ZDHHC2: variants seen among roughly 807,000 people sequenced by gnomAD.
ZDHHC2 encodes palmitoyltransferase ZDHHC2.
A neutral mutation model predicts 55.6 loss-of-function variants in ZDHHC2; 51 were observed. That is an observed-to-expected ratio of 0.92 (90% CI 0.73 to 1.16). ZDHHC2 has a LOEUF of 1.16. Ranked by LOEUF, ZDHHC2 falls within the 50% of genes most tolerant of loss-of-function variation. ZDHHC2 has a pLI of 0.00. For synonymous variants in ZDHHC2, 199 were observed against 152.9 expected (o/e 1.30, Z -2.22); for missense variants, 491 against 442.4 (o/e 1.11, Z -0.99).
chr8:17,192,474 AT>A (rs1386336515), intron 3 of ZDHHC2, among the ~76,000 whole-genome samples: 1 of 152,064 alleles, frequency 6.6e-6, no homozygotes, highest in Non-Finnish European at 1.5e-5. Context: ...GGATTATTAG[AT>A]TTTTTTCCTA....
chr8:17,203,153 G>A (rs539444984), intron 6 of ZDHHC2, among the ~76,000 whole-genome samples: 3 of 144,926 alleles, frequency 2.1e-5, no homozygotes, highest in Non-Finnish European at 3.0e-5. Flanking sequence ...TCTGCCTCCC[G>A]GGTTCAAGCA....
At chr8:17,156,997 A>G (rs1303917066) in intron 1 of ZDHHC2, 144 bp downstream of exon 1, 1 of 746,772 alleles carries the variant, frequency 1.3e-6, no homozygotes, top group East Asian at 3.6e-5. Flanking sequence ...CTCCGCCGCT[A>G]AAAGCAGCCT....
At chr8:17,192,978 G>T (rs1360194144) in intron 3 of ZDHHC2, among the ~76,000 whole-genome samples, 1 of 152,122 alleles carries the variant, frequency 6.6e-6, no homozygotes, top group Non-Finnish European at 1.5e-5. Context: ...ATTGGTCTAT[G>T]TATGCCAGTA....
intron 1 of ZDHHC2, among the ~76,000 whole-genome samples, chr8:17,161,742 A>C (rs1563430209): frequency 6.6e-6 from 1 of 152,044 alleles, no homozygotes. Context: ...GCCTGTAGTC[A>C]CAGCTGCTCG....
In ZDHHC2 at chr8:17,220,368, C is replaced by T. The variant is rs1414917688; in HGVS notation, c.*147C>T. On this transcript the variant is annotated 3_prime_UTR_variant, in exon 13 of 13. Transcript: ENST00000262096. ...AGAATATGAATTGATTAGTTCTCTC[C>T]AAGCCATTGCTTAAAATATAACATG... The T allele has an allele frequency of 1.3e-5, 2 of 151,924 alleles. No individual in the cohort carries two copies. Among genetic ancestry groups the T allele is most frequent in the Non-Finnish European group, 2.9e-5 (2 of 67,918 alleles). 9.4% of individuals were successfully genotyped at this position (151,924 alleles called of 1,614,324 possible).
intron 10 of ZDHHC2, among the ~76,000 whole-genome samples, chr8:17,211,963 G>C (rs1807407142): frequency 6.6e-6 from 1 of 151,838 alleles, no homozygotes; most frequent in Non-Finnish European, 1.5e-5. Context: ...TTTGCCCTTT[G>C]TGTTTTTTTT....
intron 10 of ZDHHC2, among the ~76,000 whole-genome samples, chr8:17,214,261 T>C (rs891948873): frequency 8.5e-5 from 13 of 152,180 alleles, no homozygotes; most frequent in Admixed American, 3.9e-4. Context: ...AGAAAATTCT[T>C]CTTAGAAGAC....
intron 10 of ZDHHC2, among the ~76,000 whole-genome samples, chr8:17,212,002 G>C (rs1807411145): frequency 6.6e-6 from 1 of 151,986 alleles, no homozygotes; most frequent in South Asian, 2.1e-4. Context: ...TTTGGTTTTA[G>C]AGATAATATT....
intron 6 of ZDHHC2, among the ~76,000 whole-genome samples, chr8:17,199,359 C>G (rs112045973): frequency 6.6e-6 from 1 of 152,088 alleles, no homozygotes; most frequent in Non-Finnish European, 1.5e-5. Context: ...ACGCCCCCTT[C>G]GTACTAATTG....
chr8:17,169,815 C>CA (rs1245657260), intron 1 of ZDHHC2, among the ~76,000 whole-genome samples: 3 of 152,254 alleles, frequency 2.0e-5, no homozygotes, highest in African/African-American at 7.2e-5. Context: ...GGAAGAGACT[C>CA]ATTCCAAATA....
At chr8:17,181,645 A>G (rs936844989) in intron 1 of ZDHHC2, among the ~76,000 whole-genome samples, 2 of 152,332 alleles carry the variant, frequency 1.3e-5, no homozygotes, top group African/African-American at 4.8e-5. Context: ...TCTGTGAAGT[A>G]AGAAAATTAA....
At chr8:17,162,631 A>G (rs919431360) in intron 1 of ZDHHC2, among the ~76,000 whole-genome samples, 2 of 152,234 alleles carry the variant, frequency 1.3e-5, no homozygotes, top group African/African-American at 4.8e-5. Flanking sequence ...AATGATTTAC[A>G]AGATAACTTC....
intron 1 of ZDHHC2, among the ~76,000 whole-genome samples, chr8:17,177,291 A>T (rs1175544207): frequency 6.6e-6 from 1 of 152,018 alleles, no homozygotes; most frequent in East Asian, 1.9e-4. Context: ...GAGGAGGTAA[A>T]AGGAGGTTGG....
intron 6 of ZDHHC2, among the ~76,000 whole-genome samples, chr8:17,199,503 T>TCTTCGTCTTCG (rs1554465991): frequency 5.2e-4 from 33 of 63,224 alleles, no homozygotes; most frequent in East Asian, 2.0e-3. Flanking sequence ...CTTCTTCTTC[T>TCTTCGTCTTCG]TCTTCTTCTT....
At chr8:17,172,648 T>A (rs919302750) in intron 1 of ZDHHC2, among the ~76,000 whole-genome samples, 2 of 152,230 alleles carry the variant, frequency 1.3e-5, no homozygotes, top group Admixed American at 6.5e-5. Flanking sequence ...TGGAGACTTT[T>A]ATAAACGTAA....
chr8:17,173,449 G>T (rs1318882797), intron 1 of ZDHHC2, among the ~76,000 whole-genome samples: 1 of 152,106 alleles, frequency 6.6e-6, no homozygotes, highest in Non-Finnish European at 1.5e-5. Context: ...GCTGAGGTGG[G>T]AGAATCATTT....
At chr8:17,189,386 A>G (rs1301642377) in intron 3 of ZDHHC2, among the ~76,000 whole-genome samples, 1 of 152,090 alleles carries the variant, frequency 6.6e-6, no homozygotes, top group African/African-American at 2.4e-5. Flanking sequence ...TTTGTTGAAT[A>G]CTTTTGAAAA....
At position 17,186,347 on chromosome 8, in the gene ZDHHC2, C is replaced by G. The variant is rs1229545511; in HGVS notation, c.174C>G (p.Ala58=). 4 of 1,593,486 alleles carry G rather than the reference C, an allele frequency of 2.5e-6. No individual in the cohort carries two copies. Among genetic ancestry groups the G allele is most frequent in the Non-Finnish European group, 3.4e-6 (4 of 1,171,588 alleles). Residue 58 remains alanine, a synonymous_variant, in exon 3 of 13, where the codon GCC becomes GCG. Transcript: ENST00000262096. ...TCATTTTAGTTGTGTGCCTGATGGC[C>G]TATCATCTACTTTTTGCAATGTTTG... ...NTGEQVVCLM[A]YHLLFAMFVW... is the part of the protein sequence containing the mutation.
At chr8:17,189,102 GTT>G (rs112068030) in intron 3 of ZDHHC2, among the ~76,000 whole-genome samples, 1 of 115,846 alleles carries the variant, frequency 8.6e-6, no homozygotes, top group Non-Finnish European at 1.9e-5. Context: ...TTTTTGTTGG[GTT>G]TTTTTTTTTG....
Sources: gnomAD v4.1 joint callset for allele counts (sites outside exome capture counted in the v4.1 genomes callset) on GRCh38, gnomAD v4.1.1 for gene constraint, MANE v1.5 for transcripts, NCBI Gene and HGNC (gene_info 2026-07-23, HGNC 2026-07-21) for gene names.